DGKB: variants seen among roughly 807,000 people sequenced by gnomAD.
DGKB encodes the protein diacylglycerol kinase beta, also known as 90 kDa diacylglycerol kinase.
DGKB carries 67 observed loss-of-function variants against 114.3 expected under a neutral mutation model. The ratio of observed to expected loss-of-function variants is 0.59; its 90% CI spans 0.48 to 0.72. The LOEUF is 0.72. DGKB is among the 30% of genes least tolerant of loss of function. The probability of loss-of-function intolerance (pLI) is 0.00; values close to 1 mark genes in which losing one functional copy is unlikely to be tolerated. For synonymous variants in DGKB, 398 were observed against 323.1 expected (o/e 1.23, Z -2.49); for missense variants, 907 against 975.2 (o/e 0.93, Z 0.93).
chr7:14,479,754 C>T (rs1782714573), intron 20 of DGKB, among the ~76,000 whole-genome samples: 1 of 151,988 alleles, frequency 6.6e-6, no homozygotes, highest in Admixed American at 6.6e-5. Context: ...AGGAAAAACA[C>T]CTGAACTGGG....
chr7:14,259,384 TCTC>T (rs1796407886), intron 23 of DGKB, among the ~76,000 whole-genome samples: 4 of 67,184 alleles, frequency 6.0e-5, no homozygotes, highest in Non-Finnish European at 7.0e-5. Flanking sequence ...AAAGTTTCTC[TCTC>T]TCTCTCTCTC....
intron 20 of DGKB, among the ~76,000 whole-genome samples, chr7:14,492,733 T>C (rs1784767940): frequency 6.6e-6 from 1 of 152,052 alleles, no homozygotes; most frequent in African/African-American, 2.4e-5. Flanking sequence ...ATAAAAGACA[T>C]GGTTCACCTC....
intron 1 of DGKB, among the ~76,000 whole-genome samples, chr7:14,899,976 G>C (rs181018206): frequency 5.3e-4 from 80 of 152,176 alleles, no homozygotes; most frequent in Non-Finnish European, 9.0e-4. Context: ...TTCCCCCTGA[G>C]TTTGAGTTTT....
At chr7:14,510,305 G>A (rs1480221058) in intron 20 of DGKB, among the ~76,000 whole-genome samples, 1 of 152,154 alleles carries the variant, frequency 6.6e-6, no homozygotes. Flanking sequence ...AAATCTTGCT[G>A]CTGCTTTACC....
intron 2 of DGKB, among the ~76,000 whole-genome samples, chr7:14,830,146 T>TC (rs1846215330): frequency 6.9e-6 from 1 of 144,644 alleles, no homozygotes; most frequent in African/African-American, 2.6e-5. Context: ...TGACCAGTAC[T>TC]TTTTAAAAAA....
At chr7:14,911,316 A>G (rs1372562742) in intron 1 of DGKB, among the ~76,000 whole-genome samples, 5 of 152,154 alleles carry the variant, frequency 3.3e-5, no homozygotes, top group Non-Finnish European at 7.4e-5. Flanking sequence ...AATATTTTAA[A>G]TAATTGATCT....
intron 21 of DGKB, among the ~76,000 whole-genome samples, chr7:14,447,145 A>C (rs891100452): frequency 5.3e-5 from 8 of 152,120 alleles, no homozygotes; most frequent in Non-Finnish European, 1.2e-4. Context: ...GCACGGATGC[A>C]TCACCCCTAG....
At chr7:14,264,027 G>A (rs1254745129) in intron 23 of DGKB, among the ~76,000 whole-genome samples, 4 of 152,218 alleles carry the variant, frequency 2.6e-5, no homozygotes, top group African/African-American at 9.6e-5. Context: ...GAAGTTTGTA[G>A]AGGGAGTGCA....
intron 21 of DGKB, among the ~76,000 whole-genome samples, chr7:14,469,986 G>A (rs561818647): frequency 5.9e-5 from 9 of 151,822 alleles, no homozygotes; most frequent in Middle Eastern, 3.4e-3. Context: ...TAGGCAAACC[G>A]TAATTTAGTC....
chr7:14,825,710 G>C (rs75051823), intron 2 of DGKB, among the ~76,000 whole-genome samples: 1 of 152,070 alleles, frequency 6.6e-6, no homozygotes, highest in African/African-American at 2.4e-5. Context: ...TCAGTGGCAG[G>C]GGTATTGAGG....
chr7:14,231,082 C>CCTTTCTTTCTCT (rs1486312653), intron 23 of DGKB, among the ~76,000 whole-genome samples: 1,741 of 121,832 alleles, frequency 0.014, 31 homozygotes, highest in Non-Finnish European at 0.017. Context: ...TTCTTCTTTC[C>CCTTTCTTTCTCT]CTTTCTTTCT....
At chr7:14,685,504 G>C (rs1481667054) in intron 9 of DGKB, 142 bp from the exon 10 acceptor site, 1 of 632,246 alleles carries the variant, frequency 1.6e-6, no homozygotes, top group South Asian at 1.9e-5. Flanking sequence ...GATCACCGCA[G>C]AGCCTTTAGA....
chr7:14,221,176 T>C (rs1271700759), intron 23 of DGKB, among the ~76,000 whole-genome samples: 1 of 151,466 alleles, frequency 6.6e-6, no homozygotes, highest in African/African-American at 2.4e-5. Flanking sequence ...TGCCTTTTAT[T>C]TATTTTTCTT....
intron 20 of DGKB, among the ~76,000 whole-genome samples, chr7:14,497,041 T>C: frequency 6.6e-6 from 1 of 151,868 alleles, no homozygotes; most frequent in East Asian, 1.9e-4. Flanking sequence ...TTGCAGCAAC[T>C]TGGATGGAAC....
At chr7:14,811,812 A>AAAAATTGTATTATTT (rs1415053970) in intron 2 of DGKB, among the ~76,000 whole-genome samples, 1 of 84,598 alleles carries the variant, frequency 1.2e-5, no homozygotes, top group African/African-American at 7.4e-5. Context: ...ACACACACAC[A>AAAAATTGTATTATTT]CAACCATTTT....
At chr7:14,552,452 G>C (rs1309197857) in intron 20 of DGKB, among the ~76,000 whole-genome samples, 1 of 152,124 alleles carries the variant, frequency 6.6e-6, no homozygotes, top group African/African-American at 2.4e-5. Flanking sequence ...AGCCCAGTAA[G>C]TGACCCATAA....
At chr7:14,219,527 C>A (rs953247621) in intron 23 of DGKB, among the ~76,000 whole-genome samples, 2 of 151,730 alleles carry the variant, frequency 1.3e-5, no homozygotes, top group Non-Finnish European at 3.0e-5. Flanking sequence ...TGTTGAGCAC[C>A]TTTGCATGTG....
Position 14,418,336 on chromosome 7 carries a change from T to TATATAC in DGKB, c.1835+59824_1835+59825insGTATAT, listed in dbSNP as rs1554420999. ...ATATGTATGTATATATGTATATATATACACACACATATATTCACATATATA... is the reference window on the plus strand; with the variant it reads ...ATATGTATGTATATATGTATATATATATATACACACACACATATATTCACATATATA... On this transcript the variant is annotated intron_variant, in intron 21 of 25. Coordinates refer to ENST00000402815, the MANE Select transcript of DGKB (RefSeq NM_001350709.2). 7.9e-3 allele frequency among the ~76,000 whole-genome samples: 653 copies of TATATAC among 82,894 alleles called. 5 individuals carry two copies. The highest frequency in any genetic ancestry group is 0.019 in the South Asian group (43 of 2,226). 54.4% of individuals were successfully genotyped at this position (82,894 alleles called of 152,430 possible).
At chr7:14,524,637 T>C (rs1790340590) in intron 20 of DGKB, among the ~76,000 whole-genome samples, 1 of 151,610 alleles carries the variant, frequency 6.6e-6, no homozygotes, top group South Asian at 2.1e-4. Flanking sequence ...GTGCCTGTAG[T>C]CCCAGCCATT....
Sources: gnomAD v4.1 joint callset for allele counts (sites outside exome capture counted in the v4.1 genomes callset) on GRCh38, gnomAD v4.1.1 for gene constraint, MANE v1.5 for transcripts, NCBI Gene and HGNC (gene_info 2026-07-23, HGNC 2026-07-21) for gene names.